Variants in TNFRSF19 observed in about 807,000 individuals in gnomAD.
TNFRSF19 encodes TNF receptor superfamily member 19, also known as tumor necrosis factor receptor superfamily member 19.
In TNFRSF19, 27 loss-of-function variants were observed where a neutral mutation model predicts 46.4. The observed-to-expected ratio is 0.58, with a 90% confidence interval of 0.43 to 0.80. TNFRSF19 has a LOEUF of 0.80. Among genes scored for constraint, TNFRSF19 ranks in the 30% least tolerant of loss-of-function variants. The pLI, the probability that TNFRSF19 is intolerant of heterozygous loss-of-function variation, is 0.00. For missense variants in TNFRSF19, 511 were observed against 530.8 expected (o/e 0.96, Z 0.37); for synonymous variants, 204 against 205.0 (o/e 1.00, Z 0.04).
chr13:23,668,248 C>G (rs1040987500), intron 8 of TNFRSF19, among the ~76,000 whole-genome samples, 166 bp downstream of exon 8: 1 of 152,218 alleles, frequency 6.6e-6, no homozygotes, highest in Non-Finnish European at 1.5e-5. Context: ...AGGTAGCTCT[C>G]TCAAGGTCAC....
At chr13:23,614,991 T>C (rs949934966) in intron 3 of TNFRSF19, among the ~76,000 whole-genome samples, 1 of 152,148 alleles carries the variant, frequency 6.6e-6, no homozygotes, top group Non-Finnish European at 1.5e-5. Context: ...GTTCTTGGTC[T>C]AGAGTAAGCA....
intron 5 of TNFRSF19, among the ~76,000 whole-genome samples, chr13:23,637,467 A>T (rs1429982667): frequency 6.6e-6 from 1 of 152,356 alleles, no homozygotes; most frequent in East Asian, 1.9e-4. Flanking sequence ...AAGTCTCAAG[A>T]AAAACATTCT....
chr13:23,581,751 T>A (rs1878451924), intron 1 of TNFRSF19, among the ~76,000 whole-genome samples: 1 of 152,208 alleles, frequency 6.6e-6, no homozygotes, highest in Non-Finnish European at 1.5e-5. Context: ...TTTTTTCACC[T>A]ATTGCAATCT....
intron 5 of TNFRSF19, among the ~76,000 whole-genome samples, chr13:23,635,708 TA>T (rs1487339623): frequency 6.6e-6 from 1 of 152,230 alleles, no homozygotes; most frequent in East Asian, 1.9e-4. Context: ...CTTCATTTAT[TA>T]TTTCGATTAT....
At chr13:23,580,253 A>C (rs532352328) in intron 1 of TNFRSF19, among the ~76,000 whole-genome samples, 82 of 152,322 alleles carry the variant, frequency 5.4e-4, no homozygotes, top group African/African-American at 1.7e-3. Context: ...TATTGTAAGA[A>C]ACCCATGTCA....
At chr13:23,581,300 C>T (rs1463740349) in intron 1 of TNFRSF19, among the ~76,000 whole-genome samples, 1 of 152,038 alleles carries the variant, frequency 6.6e-6, no homozygotes, top group African/African-American at 2.4e-5. Context: ...CGCCCGCCAC[C>T]ACACCCGGCT....
chr13:23,642,890 G>T (rs149178542), intron 5 of TNFRSF19, among the ~76,000 whole-genome samples: 1 of 152,344 alleles, frequency 6.6e-6, no homozygotes, highest in East Asian at 1.9e-4. Flanking sequence ...GTTCATGTAA[G>T]CCAACTTTAA....
chr13:23,609,653 T>C (rs1385471061), intron 3 of TNFRSF19, among the ~76,000 whole-genome samples: 2 of 152,208 alleles, frequency 1.3e-5, no homozygotes, highest in East Asian at 1.9e-4. Context: ...CTTTAGTTAA[T>C]GTGAAAAAAT....
intron 5 of TNFRSF19, among the ~76,000 whole-genome samples, chr13:23,646,892 C>T (rs1240601937): frequency 6.6e-6 from 1 of 152,162 alleles, no homozygotes; most frequent in Non-Finnish European, 1.5e-5. Flanking sequence ...TACGTTCTTA[C>T]CATAATAGTC....
At chr13:23,641,536 G>A (rs768102108) in intron 5 of TNFRSF19, among the ~76,000 whole-genome samples, 8 of 152,078 alleles carry the variant, frequency 5.3e-5, no homozygotes, top group Non-Finnish European at 1.2e-4. Flanking sequence ...TCACCATGTT[G>A]GCCAGGCTGG....
intron 1 of TNFRSF19, among the ~76,000 whole-genome samples, chr13:23,577,710 T>C (rs1022875412): frequency 1.3e-5 from 2 of 151,846 alleles, no homozygotes; most frequent in African/African-American, 4.8e-5. Flanking sequence ...GAAGAGGAAG[T>C]AGAGAGCAAA....
chr13:23,658,200 A>G (rs1884108416), intron 5 of TNFRSF19, among the ~76,000 whole-genome samples: 1 of 152,204 alleles, frequency 6.6e-6, no homozygotes, highest in Admixed American at 6.5e-5. Context: ...AATGGTAATT[A>G]CTATCATCAT....
chr13:23,581,128 T>TTTC (rs201831170), intron 1 of TNFRSF19, among the ~76,000 whole-genome samples: 65 of 120,158 alleles, frequency 5.4e-4, no homozygotes, highest in East Asian at 2.2e-3. Context: ...TCTTTTTTTC[T>TTTC]TTTCTTTTTT....
intron 2 of TNFRSF19, among the ~76,000 whole-genome samples, chr13:23,590,689 C>A (rs1229733112): frequency 1.3e-5 from 2 of 152,162 alleles, no homozygotes; most frequent in Non-Finnish European, 2.9e-5. Context: ...TTTCAAATGG[C>A]ATTTTATTAT....
At chr13:23,609,375 A>C (rs185236039) in intron 3 of TNFRSF19, among the ~76,000 whole-genome samples, 1 of 152,318 alleles carries the variant, frequency 6.6e-6, no homozygotes, top group Admixed American at 6.5e-5. Flanking sequence ...TTCAGCTCCC[A>C]AAAATAAACC....
In TNFRSF19 at chr13:23,615,878, C is replaced by T. The variant is rs145815290; in HGVS notation, c.192C>T (p.Phe64=). The change falls in exon 4 of 10, where the codon TTC becomes TTT. Residue 64 remains phenylalanine, a synonymous_variant. Transcript: ENST00000248484. ...GTTAATCCCCACAGGAATGTGGCTT[C>T]GGCTATGGGGAGGATGCACAGTGTG... is the stretch of plus-strand genomic sequence containing the variant. ...PGMELSKECG[F]GYGEDAQCVT... 15 of 1,601,512 alleles carry T rather than the reference C, an allele frequency of 9.4e-6. No individual in the cohort carries two copies. Among genetic ancestry groups the T allele is most frequent in the African/African-American group, 4.0e-5 (3 of 74,554 alleles).
chr13:23,643,267 C>A (rs1429838377), intron 5 of TNFRSF19, among the ~76,000 whole-genome samples: 1 of 152,136 alleles, frequency 6.6e-6, no homozygotes, highest in East Asian at 1.9e-4. Flanking sequence ...AATAGCATAC[C>A]TCTTCTGTTT....
At chr13:23,619,442 TA>T (rs542349066) in intron 4 of TNFRSF19, among the ~76,000 whole-genome samples, 1 of 152,274 alleles carries the variant, frequency 6.6e-6, no homozygotes, top group South Asian at 2.1e-4. Flanking sequence ...GAAAATGTCC[TA>T]AAATTGATTG....
In TNFRSF19 at chr13:23,632,046, C is replaced by G. The variant is rs566537978; in HGVS notation, c.445+5254C>G. On this transcript the variant is annotated intron_variant, in intron 5 of 9. Coordinates refer to ENST00000248484, the MANE Select transcript of TNFRSF19 (RefSeq NM_148957.4). ...TTTTGTTTCTGCAGTGGAGTTGTTT[C>G]TGATGAGTTTGCTAATACTTAACAG... Among the ~76,000 whole-genome samples the G allele has an allele frequency of 4.2e-4, 64 of 152,298 alleles. No individual in the cohort carries two copies. In the South Asian group the frequency reaches 7.1e-3, roughly 17 times the overall value.
Sources: allele counts gnomAD v4.1 joint callset (sites outside exome capture counted in the v4.1 genomes callset), GRCh38; gene constraint gnomAD v4.1.1; transcripts MANE v1.5; gene names NCBI Gene and HGNC (gene_info 2026-07-23, HGNC 2026-07-21).